The following DENND1B variants were observed in gnomAD, a reference collection of about 807,000 sequenced individuals.
The protein encoded by DENND1B is DENN domain-containing protein 1B.
A neutral mutation model predicts 90.1 loss-of-function variants in DENND1B; 59 were observed. The ratio of observed to expected loss-of-function variants is 0.65; its 90% CI spans 0.53 to 0.81. DENND1B has a LOEUF of 0.81. DENND1B is among the 40% of genes least tolerant of loss of function. The pLI is 0.00. For synonymous variants in DENND1B, 337 were observed against 324.6 expected (o/e 1.04, Z -0.41); for missense variants, 862 against 912.6 (o/e 0.94, Z 0.71).
chr1:197,690,402 C>T lies in DENND1B; in HGVS notation c.127-16233G>A, dbSNP rs989614717. On this transcript the variant is annotated intron_variant, in intron 3 of 22. Coordinates refer to ENST00000620048, the MANE Select transcript of DENND1B (RefSeq NM_001195215.2). ...TTGATTGAAGCAAGATTGATTGCCA[C>T]TCTGGTAAGAAGCTGGAAGGTGACC... 6.9e-5 allele frequency: 12 copies of T among 173,888 alleles called. No homozygotes were observed. In the Middle Eastern group the frequency reaches 7.5e-3, roughly 109 times the overall value. 10.8% of individuals were successfully genotyped at this position (173,888 alleles called of 1,614,324 possible). A position where few individuals can be genotyped will look rare whatever the true frequency, so the allele number is the denominator to read the frequency against.
intron 15 of DENND1B, among the ~76,000 whole-genome samples, chr1:197,565,797 T>C (rs1244077922): frequency 4.0e-5 from 6 of 150,828 alleles, no homozygotes; most frequent in Non-Finnish European, 8.9e-5. Flanking sequence ...ATTTCATCCA[T>C]GTCCCTACAA....
rs144116026 is a variant in DENND1B at position 197,759,009 on chromosome 1, G to A, written c.82+13859C>T. 5.8e-3 allele frequency among the ~76,000 whole-genome samples: 691 copies of A among 119,986 alleles called. 8 individuals are homozygous for A. The highest frequency in any genetic ancestry group is 0.02 in the African/African-American group (641 of 31,500). 78.7% of individuals were successfully genotyped at this position (119,986 alleles called of 152,430 possible). A position where few individuals can be genotyped will look rare whatever the true frequency, so the allele number is the denominator to read the frequency against. On this transcript the variant is annotated intron_variant, in intron 2 of 22. Transcript: ENST00000620048. ...TTTTAAGATGGAGTCTCTCTCTGTC[G>A]CCCAGGCTGCAGTACAGTGGTGTGA...
intron 5 of DENND1B, among the ~76,000 whole-genome samples, chr1:197,664,024 C>CAG (rs1398125892): frequency 3.9e-4 from 59 of 151,856 alleles, no homozygotes; most frequent in African/African-American, 1.4e-3. Context: ...CACACACACA[C>CAG]ACACAGAGAG....
At chr1:197,721,347 G>A (rs1661160371) in intron 2 of DENND1B, among the ~76,000 whole-genome samples, 1 of 152,002 alleles carries the variant, frequency 6.6e-6, no homozygotes. Context: ...GGGATTACAG[G>A]CTTGAGCCAC....
chr1:197,523,629 C>T (rs1668932146), intron 20 of DENND1B, among the ~76,000 whole-genome samples: 1 of 152,156 alleles, frequency 6.6e-6, no homozygotes, highest in South Asian at 2.1e-4. Context: ...CTTTCCAGTA[C>T]CTTCTTTAGA....
chr1:197,764,026 C>T (rs1295970207), intron 2 of DENND1B, among the ~76,000 whole-genome samples: 1 of 152,204 alleles, frequency 6.6e-6, no homozygotes, highest in African/African-American at 2.4e-5. Flanking sequence ...AATATCACAA[C>T]AATTCTGGTC....
chr1:197,752,675 G>A (rs1478387786), intron 2 of DENND1B, among the ~76,000 whole-genome samples: 2 of 151,226 alleles, frequency 1.3e-5, no homozygotes, highest in African/African-American at 4.9e-5. Flanking sequence ...TAAGTTCTAG[G>A]GTACATGTAC....
rs376616839 is a variant in DENND1B, at chr1:197,672,109, T to C, written c.224A>G (p.Asp75Gly). 270 of 1,612,790 alleles carry C rather than the reference T, an allele frequency of 1.7e-4. No homozygotes were observed. The highest frequency in any genetic ancestry group is 2.3e-4 in the Non-Finnish European group (268 of 1,179,188). Residue 75 changes from aspartate (D) to glycine (G), a missense_variant, in exon 5 of 23, where the codon GAC (aspartate) becomes GGC (glycine). Coordinates refer to ENST00000620048, the MANE Select transcript of DENND1B (RefSeq NM_001195215.2). ...VGQHFTFVLT[D>G]IESKQRFGFC... ...TCCAAATCTCTGTTTACTTTCAATG[T>C]CTGTCAGTACAAAGGTAAAGTGCTG...
intron 2 of DENND1B, among the ~76,000 whole-genome samples, chr1:197,754,532 C>T (rs1181306266): frequency 6.6e-6 from 1 of 151,886 alleles, no homozygotes; most frequent in Non-Finnish European, 1.5e-5. Flanking sequence ...GTGGTGCACA[C>T]CTGTAATCCC....
At chr1:197,529,250 G>A (rs1382039885) in intron 20 of DENND1B, among the ~76,000 whole-genome samples, 211 of 10,224 alleles carry the variant, frequency 0.021, 2 homozygotes, top group Middle Eastern at 0.056. Flanking sequence ...ATATGTGTGT[G>A]TGTGTGTGTG....
chr1:197,552,472 A>G, intron 16 of DENND1B: 1 of 985,416 alleles, frequency 1.0e-6, no homozygotes, highest in Non-Finnish European at 1.2e-6. Context: ...GAACATTTAC[A>G]CTAGAAGGAT....
chr1:197,692,621 C>T (rs191538853), intron 3 of DENND1B, among the ~76,000 whole-genome samples: 19 of 151,918 alleles, frequency 1.3e-4, no homozygotes, highest in Admixed American at 7.9e-4. Context: ...CACAGACAAT[C>T]ATGTAAAACT....
At chr1:197,572,417 C>G (rs375034994) in intron 15 of DENND1B, among the ~76,000 whole-genome samples, 1 of 152,176 alleles carries the variant, frequency 6.6e-6, no homozygotes, top group African/African-American at 2.4e-5. Flanking sequence ...GGCCGGGAAG[C>G]TCGAACTGGG....
rs550433932 is a variant in DENND1B at position 197,560,863 on chromosome 1, C to T, written c.1150-7751G>A. 7.9e-5 allele frequency among the ~76,000 whole-genome samples: 12 copies of T among 151,962 alleles called. No individual in the cohort carries two copies. The East Asian group carries it at 1.2e-3, about 15-fold the overall frequency. On this transcript the variant is annotated intron_variant, in intron 15 of 22. Coordinates refer to ENST00000620048, the MANE Select transcript of DENND1B (RefSeq NM_001195215.2). ...ACCTCTCCCATTCTCCTTCAGTTGA[C>T]GATCTTTCTTCCTAATTTCACCAAA...
intron 2 of DENND1B, among the ~76,000 whole-genome samples, chr1:197,750,570 C>CTAGATAGATAGATAGATAGA (rs57505824): frequency 3.4e-4 from 51 of 149,238 alleles, no homozygotes; most frequent in South Asian, 6.5e-4. Flanking sequence ...AAAAGCAAAC[C>CTAGATAGATAGATAGATAGA]TAGATAGATA....
chr1:197,621,475 T>G (rs1341214584), intron 10 of DENND1B, among the ~76,000 whole-genome samples: 2 of 151,394 alleles, frequency 1.3e-5, no homozygotes, highest in Non-Finnish European at 3.0e-5. Context: ...AAGTTTGGTT[T>G]GCAATATAAA....
intron 15 of DENND1B, among the ~76,000 whole-genome samples, chr1:197,576,972 T>A (rs560414560): frequency 6.6e-6 from 1 of 152,178 alleles, no homozygotes; most frequent in Non-Finnish European, 1.5e-5. Flanking sequence ...AAAAGGCCTA[T>A]ATTCATGGAG....
intron 2 of DENND1B, chr1:197,735,775 G>C: frequency 6.2e-7 from 1 of 1,611,452 alleles, no homozygotes; most frequent in Non-Finnish European, 8.5e-7. Flanking sequence ...GGGAATCCTC[G>C]GCAGATAAGC....
intron 15 of DENND1B, among the ~76,000 whole-genome samples, chr1:197,561,780 G>C (rs1315854514): frequency 1.3e-5 from 2 of 151,758 alleles, no homozygotes; most frequent in African/African-American, 4.8e-5. Context: ...TCTCAGATGA[G>C]ATAACATGGA....
Sources: allele counts gnomAD v4.1 joint callset (sites outside exome capture counted in the v4.1 genomes callset), GRCh38; gene constraint gnomAD v4.1.1; transcripts MANE v1.5; gene names NCBI Gene and HGNC (gene_info 2026-07-23, HGNC 2026-07-21).